NPAS3: variants seen among roughly 807,000 people sequenced by gnomAD.
NPAS3 encodes neuronal PAS domain-containing protein 3.
NPAS3 carries 14 observed loss-of-function variants against 73.1 expected under a neutral mutation model. The ratio of observed to expected loss-of-function variants is 0.19; its 90% CI spans 0.13 to 0.30. The LOEUF (loss-of-function observed/expected upper bound fraction) is 0.30, where lower values mean the gene tolerates loss of function less well. Ranked by LOEUF, NPAS3 falls within the 10% of genes least tolerant of loss-of-function variation. The pLI is 1.00. For missense variants in NPAS3, 1,096 were observed against 1,250.0 expected, an observed-to-expected ratio of 0.88 and a Z score of 1.86; for synonymous variants, 620 against 541.5, an observed-to-expected ratio of 1.14 and a Z score of -2.01.
At chr14:33,293,814 A>T (rs1009491182) in intron 3 of NPAS3, among the ~76,000 whole-genome samples, 2 of 152,246 alleles carry the variant, frequency 1.3e-5, no homozygotes, top group African/African-American at 2.4e-5. Context: ...AATAGTGAAG[A>T]GTTTAGAATT....
rs541578892 is a variant in NPAS3 at position 33,744,909 on chromosome 14, T to C, written c.852+9577T>C. On this transcript the variant is annotated intron_variant, in intron 7 of 11. Coordinates refer to ENST00000356141, the Ensembl canonical transcript of NPAS3. ...GGAAAAATGGCAGCAATGAACTTGTTTGAAGCAGGGTTGCCACAAATCTTC... is the reference window on the plus strand; with the variant it reads ...GGAAAAATGGCAGCAATGAACTTGTCTGAAGCAGGGTTGCCACAAATCTTC... Among the ~76,000 whole-genome samples the C allele has an allele frequency of 3.9e-4, 60 of 152,136 alleles. No homozygotes were observed. In the South Asian group the frequency reaches 0.012, roughly 31 times the overall value.
chr14:33,022,293 A>G (rs1426301524), intron 1 of NPAS3, among the ~76,000 whole-genome samples: 2 of 152,258 alleles, frequency 1.3e-5, no homozygotes, highest in Admixed American at 6.5e-5. Context: ...GAAAAAGTCT[A>G]TATAAGCTGC....
At chr14:33,484,932 G>A (rs927562166) in intron 4 of NPAS3, among the ~76,000 whole-genome samples, 1 of 152,114 alleles carries the variant, frequency 6.6e-6, no homozygotes, top group Non-Finnish European at 1.5e-5. Flanking sequence ...GCATCACAGA[G>A]GGAGGAAACC....
intron 2 of NPAS3, among the ~76,000 whole-genome samples, chr14:33,100,124 A>G (rs1437238679): frequency 6.6e-6 from 1 of 152,206 alleles, no homozygotes; most frequent in African/African-American, 2.4e-5. Context: ...TGATGTGGTC[A>G]GGGCTGCAAG....
At chr14:33,055,036 C>T (rs899197202) in intron 1 of NPAS3, among the ~76,000 whole-genome samples, 3 of 151,956 alleles carry the variant, frequency 2.0e-5, no homozygotes, top group African/African-American at 4.8e-5. Flanking sequence ...GGTATTAGAG[C>T]GAAAGGATTG....
rs562748738 is a variant in NPAS3 at position 33,005,639 on chromosome 14, G to C, written c.51-50266G>C. 3.3e-5 allele frequency among the ~76,000 whole-genome samples: 5 copies of C among 152,286 alleles called. No individual in the cohort carries two copies. In the South Asian group the frequency reaches 1.0e-3, roughly 32 times the overall value. ...AAAATAGAGGAAACCCTTTAGTTTA[G>C]AGTCAGACTGGGGTCGAAGGGGGGA... On this transcript the variant is annotated intron_variant, in intron 1 of 11. Transcript: ENST00000356141.
chr14:33,117,413 AAG>A lies in NPAS3; in HGVS notation c.140+61420_140+61421del, dbSNP rs533862359. Among the ~76,000 whole-genome samples, 38 of 152,234 alleles carry A rather than the reference AAG, an allele frequency of 2.5e-4. No individual in the cohort carries two copies. The East Asian group carries it at 6.4e-3, about 26-fold the overall frequency. Reference sequence around the variant, plus strand: ...GAAGGTGTCACTTGCTATTCCTAGTAAGTATCTACTCTCATGACAGAGAAATA... The same window carrying A: ...GAAGGTGTCACTTGCTATTCCTAGTATATCTACTCTCATGACAGAGAAATA... On this transcript the variant is annotated intron_variant, in intron 2 of 11. Transcript: ENST00000356141.
intron 6 of NPAS3, chr14:33,680,487 G>A (rs1852579432): frequency 3.0e-6 from 2 of 661,054 alleles, no homozygotes; most frequent in Non-Finnish European, 5.4e-6. Flanking sequence ...GTATGTATGT[G>A]TTTGGTGGGG....
In NPAS3 at chr14:33,095,765, T is replaced by C. The variant is rs539444378; in HGVS notation, c.140+39771T>C. Among the ~76,000 whole-genome samples the C allele has an allele frequency of 3.4e-5, 5 of 146,124 alleles. No individual in the cohort carries two copies. In the Admixed American group the frequency reaches 3.6e-4, roughly 10 times the overall value. On this transcript the variant is annotated intron_variant, in intron 2 of 11. Coordinates refer to ENST00000356141, the Ensembl canonical transcript of NPAS3. ...CTCACTGCAAGCTCCGCCTCCCGGGTTCACGCCATTCTCCTGCCTCAGCCT... is the reference window on the plus strand; with the variant it reads ...CTCACTGCAAGCTCCGCCTCCCGGGCTCACGCCATTCTCCTGCCTCAGCCT...
At chr14:33,037,889 C>A (rs1463748398) in intron 1 of NPAS3, among the ~76,000 whole-genome samples, 1 of 152,034 alleles carries the variant, frequency 6.6e-6, no homozygotes, top group Non-Finnish European at 1.5e-5. Flanking sequence ...GATTGATTAC[C>A]CTTATAGATT....
At chr14:32,971,936 C>CTTTTTT (rs66998179) in intron 1 of NPAS3, among the ~76,000 whole-genome samples, 12 of 112,936 alleles carry the variant, frequency 1.1e-4, no homozygotes, top group African/African-American at 1.7e-4. Context: ...CAGTGGGACT[C>CTTTTTT]TTTTTTTTTT....
At chr14:33,095,782 C>T (rs2042397553) in intron 2 of NPAS3, among the ~76,000 whole-genome samples, 1 of 150,924 alleles carries the variant, frequency 6.6e-6, no homozygotes. Context: ...CATTCTCCTG[C>T]CTCAGCCTCT....
intron 4 of NPAS3, among the ~76,000 whole-genome samples, chr14:33,509,631 T>C (rs2052942139): frequency 6.6e-6 from 1 of 151,792 alleles, no homozygotes; most frequent in African/African-American, 2.4e-5. Flanking sequence ...GAGGAGGAGG[T>C]GGGACTTCCT....
At chr14:33,529,874 A>T (rs1255728806) in intron 4 of NPAS3, among the ~76,000 whole-genome samples, 2 of 152,144 alleles carry the variant, frequency 1.3e-5, no homozygotes, top group East Asian at 3.9e-4. Flanking sequence ...GGAATTACCA[A>T]GCGGCAGCAT....
chr14:33,439,496 G>T (rs561053209), intron 4 of NPAS3, among the ~76,000 whole-genome samples: 4 of 152,110 alleles, frequency 2.6e-5, no homozygotes, highest in Non-Finnish European at 4.4e-5. Context: ...CCTCAGAGCC[G>T]AGTTTCTATT....
At chr14:33,392,990 A>G (rs1239317220) in intron 4 of NPAS3, among the ~76,000 whole-genome samples, 3 of 152,170 alleles carry the variant, frequency 2.0e-5, no homozygotes, top group African/African-American at 7.2e-5. Context: ...CCATAGACAT[A>G]AAATTTACCC....
At chr14:33,668,131 T>C (rs1026315705) in intron 5 of NPAS3, among the ~76,000 whole-genome samples, 1 of 152,180 alleles carries the variant, frequency 6.6e-6, no homozygotes, top group Non-Finnish European at 1.5e-5. Context: ...TGGTTTTGCT[T>C]TCTCTTAAAG....
chr14:33,172,792 T>A (rs1158281452), intron 2 of NPAS3, among the ~76,000 whole-genome samples: 3 of 152,060 alleles, frequency 2.0e-5, no homozygotes, highest in Non-Finnish European at 4.4e-5. Flanking sequence ...TAAATGAAGT[T>A]CATCTTATAT....
intron 4 of NPAS3, among the ~76,000 whole-genome samples, chr14:33,535,693 A>G (rs962614271): frequency 6.6e-6 from 1 of 152,006 alleles, no homozygotes; most frequent in East Asian, 1.9e-4. Flanking sequence ...GCTTATTTGT[A>G]TTTTCTGAAT....
Sources: gnomAD v4.1 joint callset for allele counts (sites outside exome capture counted in the v4.1 genomes callset) on GRCh38, gnomAD v4.1.1 for gene constraint, MANE v1.5 for transcripts, NCBI Gene and HGNC (gene_info 2026-07-23, HGNC 2026-07-21) for gene names.